The following LEMD1 variants were observed in gnomAD, a reference collection of about 807,000 sequenced individuals.
LEMD1 encodes LEM domain containing 1.
LEMD1 carries 18 observed loss-of-function variants against 17.4 expected under a neutral mutation model. The ratio of observed to expected loss-of-function variants is 1.04; its 90% confidence interval spans 0.72 to 1.54. The LOEUF (loss-of-function observed/expected upper bound fraction) is 1.54. Ranked by LOEUF, LEMD1 falls within the 40% of genes most tolerant of loss-of-function variation. The pLI is 0.00. For missense variants in LEMD1, 195 were observed against 210.4 expected (o/e 0.93, Z 0.45); for synonymous variants, 88 against 77.8 (o/e 1.13, Z -0.69).
intron 4 of LEMD1, chr1:205,387,537 G>C (rs1175425642): frequency 6.6e-6 from 1 of 152,112 alleles, no homozygotes; most frequent in Non-Finnish European, 1.5e-5. Context: ...ATTTACAGTG[G>C]AGCTAAAAAA....
At chr1:205,447,600 T>C (rs185378051) in intron 1 of LEMD1, among the ~76,000 whole-genome samples, 11 of 150,670 alleles carry the variant, frequency 7.3e-5, no homozygotes, top group Non-Finnish European at 1.6e-4. Flanking sequence ...AATGTGGGAG[T>C]GGCGACAGGC....
upstream of LEMD1, among the ~76,000 whole-genome samples, chr1:205,423,709 A>C (rs1395779687): frequency 6.6e-6 from 1 of 152,178 alleles, no homozygotes; most frequent in Non-Finnish European, 1.5e-5. Context: ...TGCTATCCTG[A>C]AATATTTGGT....
At chr1:205,415,095 G>A (rs1406504468) in intron 4 of LEMD1, among the ~76,000 whole-genome samples, 1 of 152,130 alleles carries the variant, frequency 6.6e-6, no homozygotes, top group Non-Finnish European at 1.5e-5. Context: ...ATAAACCCAG[G>A]CCGCAGATGC....
At chr1:205,410,894 CAAAG>C (rs1665359689) in intron 4 of LEMD1, among the ~76,000 whole-genome samples, 1 of 136,846 alleles carries the variant, frequency 7.3e-6, no homozygotes, top group Admixed American at 7.8e-5. Flanking sequence ...GAAAAGAAAG[CAAAG>C]GAAGGAAGGA....
chr1:205,447,866 G>GA (rs1265894995), intron 1 of LEMD1, among the ~76,000 whole-genome samples: 1 of 152,144 alleles, frequency 6.6e-6, no homozygotes, highest in Non-Finnish European at 1.5e-5. Context: ...TCCTTACACA[G>GA]AAAAAAGGCT....
intron 1 of LEMD1, chr1:205,435,943 A>G (rs1666197492): frequency 6.6e-6 from 1 of 152,168 alleles, no homozygotes; most frequent in Admixed American, 6.5e-5. Flanking sequence ...CCTCTGGGAG[A>G]AGATGCTGTG....
At chr1:205,415,278 A>G (rs973049881) in intron 4 of LEMD1, among the ~76,000 whole-genome samples, 7 of 152,194 alleles carry the variant, frequency 4.6e-5, no homozygotes, top group Non-Finnish European at 7.3e-5. Flanking sequence ...AGGAAGGGAA[A>G]GAGAAGGAAA....
At chr1:205,411,723 G>GAAAGA (rs148328525) in intron 4 of LEMD1, among the ~76,000 whole-genome samples, 5 of 152,206 alleles carry the variant, frequency 3.3e-5, no homozygotes, top group South Asian at 2.1e-4. Flanking sequence ...GAAAGAGAAA[G>GAAAGA]AAAGAAAAGA....
Position 205,420,538 on chromosome 1 carries a change from A to T in LEMD1, c.-2T>A. On this transcript the variant is annotated 5_prime_UTR_variant, in exon 2 of 6. Coordinates refer to ENST00000367153, the MANE Select transcript of LEMD1 (RefSeq NM_001199050.2). ...ACTCAGACACTTCACATCCACCATG[A>T]TGATAGAAGTTTGGCCTCTTTTCTG... The T allele has an allele frequency of 6.2e-7, 1 of 1,613,172 alleles. No individual in the cohort carries two copies. The highest frequency in any genetic ancestry group is 8.5e-7 in the Non-Finnish European group (1 of 1,179,164).
intron 1 of LEMD1, chr1:205,436,393 TC>T (rs1666204647): frequency 6.6e-6 from 1 of 151,884 alleles, no homozygotes; most frequent in Non-Finnish European, 1.5e-5. Flanking sequence ...CCGTGAAGAG[TC>T]AAGGTTCCTG....
At chr1:205,432,372 G>T (rs774299967) in intron 1 of LEMD1, among the ~76,000 whole-genome samples, 5 of 152,130 alleles carry the variant, frequency 3.3e-5, no homozygotes, top group African/African-American at 4.8e-5. Flanking sequence ...ACTGCTCCCA[G>T]GCTCTTTCCC....
At position 205,395,242 on chromosome 1, in the gene LEMD1, T is replaced by C. The variant is rs562444327; in HGVS notation, c.271-10878A>G. ...TAACCACCTGTAAATTTGGGTATGG[T>C]TAGATTCAACATGACCACGTAAGAA... On this transcript the variant is annotated intron_variant, in intron 4 of 5. Coordinates refer to ENST00000367153, the MANE Select transcript of LEMD1 (RefSeq NM_001199050.2). Among the ~76,000 whole-genome samples the C allele has an allele frequency of 4.6e-5, 7 of 152,238 alleles. 1 individual carries two copies. The South Asian group carries it at 1.5e-3, about 32-fold the overall frequency.
In LEMD1 at chr1:205,381,623, G is replaced by T; in HGVS notation, c.*35C>A. ...TTTTGGTTCTTTCCTGAAGCAGGAG[G>T]CCTCGCTTGGAGCATTGCTTTGCTC... On this transcript the variant is annotated 3_prime_UTR_variant, in exon 6 of 6. Transcript: ENST00000367153. The T allele has an allele frequency of 6.3e-7, 1 of 1,599,558 alleles. No homozygotes were observed.
At chr1:205,447,653 G>A (rs1309198050) in intron 1 of LEMD1, among the ~76,000 whole-genome samples, 1 of 152,024 alleles carries the variant, frequency 6.6e-6, no homozygotes, top group African/African-American at 2.4e-5. Context: ...CAGGACGGGG[G>A]CAGGGAGGGC....
chr1:205,427,325 T>G (rs1666070358), intron 1 of LEMD1, among the ~76,000 whole-genome samples: 1 of 152,002 alleles, frequency 6.6e-6, no homozygotes, highest in East Asian at 1.9e-4. Context: ...GGTCCTGCAC[T>G]GGGATTCTTG....
chr1:205,394,401 T>G (rs1664490702), intron 4 of LEMD1, among the ~76,000 whole-genome samples: 1 of 151,832 alleles, frequency 6.6e-6, no homozygotes, highest in Non-Finnish European at 1.5e-5. Context: ...ATTAATTTTT[T>G]GAGATGGAGT....
upstream of LEMD1, among the ~76,000 whole-genome samples, chr1:205,426,272 G>A (rs1185289768): frequency 1.3e-5 from 2 of 152,198 alleles, no homozygotes; most frequent in Non-Finnish European, 2.9e-5. Context: ...AGAGATTTAT[G>A]ATACAAAAAC....
At chr1:205,408,667 T>G (rs1295775507) in intron 4 of LEMD1, among the ~76,000 whole-genome samples, 1 of 151,896 alleles carries the variant, frequency 6.6e-6, no homozygotes, top group Non-Finnish European at 1.5e-5. Flanking sequence ...CCAGCTAATT[T>G]TTTTGCAATT....
chr1:205,435,871 C>T (rs537793691), intron 1 of LEMD1: 1 of 152,324 alleles, frequency 6.6e-6, no homozygotes, highest in African/African-American at 2.4e-5. Flanking sequence ...AAACAGTTCC[C>T]CCTGGCTGAG....
Sources: gnomAD v4.1 joint callset for allele counts (sites outside exome capture counted in the v4.1 genomes callset) on GRCh38, gnomAD v4.1.1 for gene constraint, MANE v1.5 for transcripts, NCBI Gene and HGNC (gene_info 2026-07-23, HGNC 2026-07-21) for gene names.